Variants in TNRC18 observed in about 807,000 individuals in gnomAD.
TNRC18 encodes the protein trinucleotide repeat-containing gene 18 protein.
In TNRC18, 69 loss-of-function variants were observed where a neutral mutation model predicts 226.7. The observed-to-expected ratio is 0.30, with a 90% confidence interval of 0.25 to 0.37. The LOEUF is 0.37. Ranked by LOEUF, TNRC18 falls within the 10% of genes least tolerant of loss-of-function variation. The pLI, the probability that TNRC18 is intolerant of heterozygous loss-of-function variation, is 1.00. For missense variants in TNRC18, 4,754 were observed against 4,256.6 expected, an observed-to-expected ratio of 1.12 and a Z score of -3.25; for synonymous variants, 2,449 against 1,927.6, an observed-to-expected ratio of 1.27 and a Z score of -7.09.
At chr7:5,326,848 G>GT in intron 19 of TNRC18, among the ~76,000 whole-genome samples, 1 of 151,086 alleles carries the variant, frequency 6.6e-6, no homozygotes, top group East Asian at 2.0e-4. Context: ...AAAAAGGCCA[G>GT]GTGCAGTGGC....
intron 17 of TNRC18, among the ~76,000 whole-genome samples, chr7:5,348,799 C>G (rs2128142824): frequency 6.6e-6 from 1 of 152,234 alleles, no homozygotes; most frequent in East Asian, 1.9e-4. Context: ...AGGCAGTGCA[C>G]ACTTGCGATC....
intron 2 of TNRC18, 128 bp downstream of exon 2, chr7:5,420,932 T>C (rs1782538639): frequency 1.1e-5 from 13 of 1,185,174 alleles, no homozygotes; most frequent in Non-Finnish European, 1.6e-5. Flanking sequence ...GGGAGCCGAG[T>C]CTGCCCGCAC....
Position 5,377,980 on chromosome 7 carries a change from G to A in TNRC18, c.2197C>T (p.His733Tyr), listed in dbSNP as rs1779123983. The change falls in exon 6 of 30, where the codon CAC becomes TAC. Residue 733 changes from histidine (H) to tyrosine (Y), a missense_variant. Transcript: ENST00000430969. The surrounding 1 kb of genome is among the most constrained non-coding windows in gnomAD (Gnocchi z 5.8). ...GCCCCGAGCAGCCGTTCCTCCCGGTGTCTGGCCCGGTCGTCCACACAGTCC... is the reference window on the plus strand; with the variant it reads ...GCCCCGAGCAGCCGTTCCTCCCGGTATCTGGCCCGGTCGTCCACACAGTCC... ...DEDCVDDRAR[H>Y]REERLLGARL... 2 of 1,613,194 alleles carry A rather than the reference G, an allele frequency of 1.2e-6. No individual in the cohort carries two copies. The highest frequency in any genetic ancestry group is 1.7e-6 in the Non-Finnish European group (2 of 1,179,804).
intron 17 of TNRC18, among the ~76,000 whole-genome samples, chr7:5,349,856 C>T (rs1420737217): frequency 6.6e-6 from 1 of 152,222 alleles, no homozygotes; most frequent in Non-Finnish European, 1.5e-5. Flanking sequence ...CCAAATATCC[C>T]TTTCAAGACC....
intron 14 of TNRC18, 98 bp downstream of exon 14, chr7:5,361,496 G>A (rs747028103): frequency 7.5e-5 from 102 of 1,358,204 alleles, no homozygotes; most frequent in Non-Finnish European, 9.5e-5. Context: ...CGAGGGACGC[G>A]AGGTCCCCCA....
Position 5,389,185 on chromosome 7 carries a change from G to T in TNRC18, c.639C>A (p.Gly213=), listed in dbSNP as rs1780081338. Reference sequence around the variant, plus strand: ...TGCCGAAAAGCGGAGGCGGCTCCCCGCCGCGGCCCGCCCGCTCCTTGGCTG... The same window carrying T: ...TGCCGAAAAGCGGAGGCGGCTCCCCTCCGCGGCCCGCCCGCTCCTTGGCTG... ...DGPAKERAGR[G]GEPPPLFGKK... is the part of the protein sequence containing the mutation. Residue 213 remains glycine (G), a synonymous_variant, in exon 5 of 30, where the codon GGC becomes GGA. Transcript: ENST00000430969. 2 of 1,317,052 alleles carry T rather than the reference G, an allele frequency of 1.5e-6. No homozygotes were observed. The highest frequency in any genetic ancestry group is 3.6e-5 in the South Asian group (2 of 55,690). 81.6% of individuals were successfully genotyped at this position (1,317,052 alleles called of 1,614,324 possible).
Position 5,313,190 on chromosome 7 carries a change from G to A in TNRC18, c.7701C>T (p.Ser2567=), listed in dbSNP as rs1276544539. 1.2e-5 allele frequency: 18 copies of A among 1,544,988 alleles called. No homozygotes were observed. The East Asian group carries it at 4.2e-4, about 36-fold the overall frequency. ...SESSSSSSSG[S]SSSSSSSSSS... ...TGCTGCTGCTGCTGCTGCTGCTACT[G>A]CTGCCACTACTGCTGCTGCTGCTGC... Residue 2567 remains serine, a synonymous_variant, in exon 27 of 30, where the codon AGC becomes AGT. Coordinates refer to ENST00000430969, the MANE Select transcript of TNRC18 (RefSeq NM_001080495.3).
At chr7:5,331,936 G>C (rs886410137) in intron 19 of TNRC18, among the ~76,000 whole-genome samples, 2 of 152,056 alleles carry the variant, frequency 1.3e-5, no homozygotes, top group Non-Finnish European at 2.9e-5. Context: ...AAAATTTTAA[G>C]TACGGTATTT....
Position 5,309,910 on chromosome 7 carries a change from T to C in TNRC18, c.8389-542A>G, listed in dbSNP as rs1327248235. On this transcript the variant is annotated intron_variant, in intron 27 of 29. Transcript: ENST00000430969. The surrounding 1 kb of genome is among the most constrained non-coding windows in gnomAD (Gnocchi z 5.7). ...GCCACTGCACCTGGCCTTATTTTTC[T>C]TTTGAAAATTACTTTTTTCAGAGAA... 6.6e-6 allele frequency among the ~76,000 whole-genome samples: 1 copy of C among 152,064 alleles called. No homozygotes were observed. The highest frequency in any genetic ancestry group is 1.5e-5 in the Non-Finnish European group (1 of 68,020).
In TNRC18 at chr7:5,355,612, G is replaced by A. The variant is rs1308282631; in HGVS notation, c.5194+1304C>T. ...GAAAATAAAAATAAATTAGCTGCAC[G>A]TGGTGGTACACAGCTGTAGTCCCAG... On this transcript the variant is annotated intron_variant, in intron 16 of 29. Coordinates refer to ENST00000430969, the MANE Select transcript of TNRC18 (RefSeq NM_001080495.3). 2.6e-5 allele frequency among the ~76,000 whole-genome samples: 4 copies of A among 152,298 alleles called. No individual in the cohort carries two copies. The East Asian group carries it at 5.8e-4, about 22-fold the overall frequency.
At chr7:5,350,102 G>T (rs1201506359) in intron 17 of TNRC18, among the ~76,000 whole-genome samples, 1 of 152,112 alleles carries the variant, frequency 6.6e-6, no homozygotes, top group Admixed American at 6.5e-5. Flanking sequence ...GGGGGCGTGG[G>T]GTCCAGCCCA....
intron 2 of TNRC18, among the ~76,000 whole-genome samples, chr7:5,395,465 G>A (rs982442202): frequency 1.3e-5 from 2 of 152,188 alleles, no homozygotes; most frequent in African/African-American, 2.4e-5. Context: ...GGCCCACATC[G>A]GACAGGGTGC....
intron 21 of TNRC18, among the ~76,000 whole-genome samples, chr7:5,322,646 G>T (rs1486518542): frequency 6.6e-6 from 1 of 152,192 alleles, no homozygotes; most frequent in Non-Finnish European, 1.5e-5. Flanking sequence ...AATGCCCGGG[G>T]GCAAACTTGC....
chr7:5,331,976 A>C (rs1299907972), intron 19 of TNRC18, among the ~76,000 whole-genome samples: 3 of 152,182 alleles, frequency 2.0e-5, no homozygotes, highest in Non-Finnish European at 4.4e-5. Context: ...GTGTTTATTA[A>C]TTAAATACAT....
In TNRC18 at chr7:5,373,923, G is replaced by A. The variant is rs966978491; in HGVS notation, c.3229+132C>T. 7.6e-6 allele frequency: 5 copies of A among 659,968 alleles called. No individual in the cohort carries two copies. The East Asian group carries it at 1.4e-4, about 18-fold the overall frequency. 40.9% of individuals were successfully genotyped at this position (659,968 alleles called of 1,614,324 possible). ...GTGTTTGTCTCAGTGTCTGGCGGCA[G>A]GCCTGGGACGCAGGAGGTGCTCCGT... On this transcript the variant is annotated intron_variant, in intron 10 of 29. Coordinates refer to ENST00000430969, the MANE Select transcript of TNRC18 (RefSeq NM_001080495.3).
chr7:5,347,065 G>A (rs373738979), intron 17 of TNRC18, among the ~76,000 whole-genome samples: 22 of 152,202 alleles, frequency 1.4e-4, no homozygotes, highest in African/African-American at 4.1e-4. Context: ...CCCCAGGGCC[G>A]GGCAAGGTGG....
chr7:5,361,686 G>T lies in TNRC18; in HGVS notation c.4569C>A (p.Arg1523=), dbSNP rs758076825. Residue 1523 remains arginine, a synonymous_variant, in exon 14 of 30, where the codon CGC becomes CGA. Transcript: ENST00000430969. Reference sequence around the variant, plus strand: ...GTTTCCGCGGCCTGCCAGGGCCTCTGCGTGCCAAGCTTCTATGGGGTTCCT... The same window carrying T: ...GTTTCCGCGGCCTGCCAGGGCCTCTTCGTGCCAAGCTTCTATGGGGTTCCT... The part of the protein sequence containing the change: ...RREEPHRSLA[R]RGPGRPRKRT... 6.4e-7 allele frequency: 1 copy of T among 1,566,168 alleles called. No individual in the cohort carries two copies.
At chr7:5,331,000 T>C (rs752417660) in intron 19 of TNRC18, among the ~76,000 whole-genome samples, 1 of 152,086 alleles carries the variant, frequency 6.6e-6, no homozygotes, top group Non-Finnish European at 1.5e-5. Context: ...TTGTGACTAA[T>C]TGTGACACCT....
chr7:5,361,760 G>A (rs1053577859), intron 13 of TNRC18, 38 bp from the exon 14 acceptor site: 13 of 1,550,434 alleles, frequency 8.4e-6, no homozygotes, highest in South Asian at 3.6e-5. Flanking sequence ...GACGCTGGGG[G>A]GCGGGCGGGG....
Sources: gnomAD v4.1 joint callset for allele counts (sites outside exome capture counted in the v4.1 genomes callset) on GRCh38, gnomAD v4.1.1 for gene constraint, Gnocchi (gnomAD v3.1) non-coding constraint, MANE v1.5 for transcripts, NCBI Gene and HGNC (gene_info 2026-07-23, HGNC 2026-07-21) for gene names.